ZFP2: variants seen among roughly 807,000 people sequenced by gnomAD.
ZFP2 encodes ZFP2 zinc finger protein.
ZFP2 carries 33 observed loss-of-function variants against 36.1 expected under a neutral mutation model. The observed-to-expected ratio is 0.92, with a 90% CI of 0.69 to 1.22. ZFP2 has a LOEUF of 1.22. ZFP2 is among the 50% of genes most tolerant of loss of function. The pLI is 0.00. For missense variants in ZFP2, 522 were observed against 551.4 expected (o/e 0.95, Z 0.53); for synonymous variants, 170 against 178.0 (o/e 0.96, Z 0.36).
At chr5:178,918,713 G>A (rs1420269042) in intron 4 of ZFP2, among the ~76,000 whole-genome samples, 2 of 152,238 alleles carry the variant, frequency 1.3e-5, no homozygotes, top group African/African-American at 4.8e-5. Flanking sequence ...AGGAAAAAAG[G>A]AAAGGCAGAG....
intron 4 of ZFP2, among the ~76,000 whole-genome samples, chr5:178,917,091 T>C (rs1450563575): frequency 2.0e-5 from 3 of 152,226 alleles, no homozygotes; most frequent in Admixed American, 2.0e-4. Flanking sequence ...TAGAAATTTT[T>C]AGTAATGTGG....
chr5:178,916,815 T>C (rs1047142376), intron 4 of ZFP2, 105 bp downstream of exon 4: 2 of 832,010 alleles, frequency 2.4e-6, no homozygotes, highest in African/African-American at 3.7e-5. Context: ...TTTTTTACTT[T>C]GAGTTTAATG....
At chr5:178,904,578 T>TGC (rs1446156509) in intron 1 of ZFP2, among the ~76,000 whole-genome samples, 2,071 of 150,996 alleles carry the variant, frequency 0.014, 52 homozygotes, top group African/African-American at 0.047. Context: ...TACATATATT[T>TGC]ATATATGAGT....
intron 1 of ZFP2, among the ~76,000 whole-genome samples, chr5:178,903,671 A>G (rs1433918452): frequency 6.6e-6 from 1 of 152,144 alleles, no homozygotes; most frequent in East Asian, 1.9e-4. Context: ...TGGCTTTGGG[A>G]TCATGCTATG....
chr5:178,932,214 A>T lies in ZFP2; in HGVS notation c.901A>T (p.Asn301Tyr). ...CACTGGAGAAAAACCTTACAAATGTAACAAATGCGGGAAATCCTTTAGCCA... is the reference window on the plus strand; with the variant it reads ...CACTGGAGAAAAACCTTACAAATGTTACAAATGCGGGAAATCCTTTAGCCA... ...NHTGEKPYKC[N>Y]KCGKSFSQST... Residue 301 changes from asparagine (N) to tyrosine (Y), a missense_variant, in exon 5 of 5, where the codon AAC becomes TAC. Coordinates refer to ENST00000361362, the MANE Select transcript of ZFP2 (RefSeq NM_030613.4). 6.2e-7 allele frequency: 1 copy of T among 1,614,204 alleles called. No individual in the cohort carries two copies. The highest frequency in any genetic ancestry group is 1.1e-5 in the South Asian group (1 of 91,086).
At chr5:178,896,140 G>C (rs908295874) in intron 1 of ZFP2, among the ~76,000 whole-genome samples, 166 bp downstream of exon 1, 10 of 152,300 alleles carry the variant, frequency 6.6e-5, no homozygotes, top group Admixed American at 2.0e-4. Context: ...GTGGAGCGCC[G>C]GGCCTCCGGC....
intron 4 of ZFP2, among the ~76,000 whole-genome samples, chr5:178,919,362 A>AT (rs1412647945): frequency 1.3e-5 from 2 of 152,238 alleles, no homozygotes; most frequent in Non-Finnish European, 2.9e-5. Flanking sequence ...GTTTAAAAAC[A>AT]TTAAGAGTTC....
chr5:178,904,993 G>A (rs913941166), intron 1 of ZFP2, among the ~76,000 whole-genome samples: 3 of 152,010 alleles, frequency 2.0e-5, no homozygotes, highest in Non-Finnish European at 4.4e-5. Context: ...GAGCCACTGC[G>A]CCCGGCCCAT....
chr5:178,907,282 C>A (rs1581830356), intron 1 of ZFP2, among the ~76,000 whole-genome samples: 1 of 151,842 alleles, frequency 6.6e-6, no homozygotes, highest in African/African-American at 2.4e-5. Context: ...CCAGTATAAG[C>A]AGGCAAAGAA....
intron 4 of ZFP2, among the ~76,000 whole-genome samples, chr5:178,925,498 T>C (rs550173234): frequency 2.0e-5 from 3 of 149,752 alleles, no homozygotes; most frequent in African/African-American, 7.3e-5. Flanking sequence ...TGAATCAGAT[T>C]GGATTTCCAC....
chr5:178,916,733 C>T lies in ZFP2; in HGVS notation c.-78+23C>T, dbSNP rs1378203282. ...TAGGTAAGTACTGGTACTCCTCTTA[C>T]GGTGGAAGACATTGGCTCTGAAAGG... On this transcript the variant is annotated intron_variant, in intron 4 of 4. Coordinates refer to ENST00000361362, the MANE Select transcript of ZFP2 (RefSeq NM_030613.4). 12 of 985,086 alleles carry T rather than the reference C, an allele frequency of 1.2e-5. No homozygotes were observed. In the East Asian group the frequency reaches 3.4e-4, roughly 28 times the overall value. 61.0% of individuals were successfully genotyped at this position (985,086 alleles called of 1,614,324 possible). A position where few individuals can be genotyped will look rare whatever the true frequency, so the allele number is the denominator to read the frequency against.
intron 2 of ZFP2, 46 bp from the exon 3 acceptor site, chr5:178,912,936 T>A: frequency 1.0e-6 from 1 of 974,324 alleles, no homozygotes. Flanking sequence ...GATTGGTTTT[T>A]AGGCTCAGTT....
chr5:178,922,624 G>A, intron 4 of ZFP2: 1 of 1,585,532 alleles, frequency 6.3e-7, no homozygotes, highest in African/African-American at 1.3e-5. Context: ...CCCATCTCCT[G>A]TACGCTTGGA....
At chr5:178,908,858 GA>G (rs142504589) in intron 1 of ZFP2, among the ~76,000 whole-genome samples, 3 of 151,924 alleles carry the variant, frequency 2.0e-5, no homozygotes, top group Non-Finnish European at 4.4e-5. Context: ...TGAGTGTTGG[GA>G]AAAAAAGCTG....
At chr5:178,929,949 G>GGGC (rs1554107545) in intron 4 of ZFP2, among the ~76,000 whole-genome samples, 3 of 150,038 alleles carry the variant, frequency 2.0e-5, no homozygotes, top group Non-Finnish European at 4.5e-5. Context: ...CGGTGGGGGG[G>GGGC]GGGGCTCAGG....
chr5:178,906,261 A>G (rs1428548999), intron 1 of ZFP2, among the ~76,000 whole-genome samples: 1 of 152,202 alleles, frequency 6.6e-6, no homozygotes, highest in Non-Finnish European at 1.5e-5. Flanking sequence ...TGCCTTCTGT[A>G]TTCAGCTAAC....
intron 3 of ZFP2, among the ~76,000 whole-genome samples, chr5:178,914,640 CA>C (rs1429605780): frequency 7.2e-6 from 1 of 139,404 alleles, no homozygotes; most frequent in African/African-American, 2.7e-5. Context: ...AATGGGGAGA[CA>C]ATAAAGGAAG....
intron 1 of ZFP2, among the ~76,000 whole-genome samples, chr5:178,904,363 G>A (rs528694515): frequency 2.0e-5 from 3 of 152,230 alleles, no homozygotes; most frequent in South Asian, 2.1e-4. Context: ...TGATGAGGAC[G>A]CAGCAGGGGA....
intron 4 of ZFP2, among the ~76,000 whole-genome samples, chr5:178,921,472 C>T (rs567378128): frequency 7.1e-6 from 1 of 141,014 alleles, no homozygotes; most frequent in South Asian, 2.2e-4. Flanking sequence ...GAAGGACCCT[C>T]TCCTCATGTT....
Sources: allele counts gnomAD v4.1 joint callset (sites outside exome capture counted in the v4.1 genomes callset), GRCh38; gene constraint gnomAD v4.1.1; transcripts MANE v1.5; gene names NCBI Gene and HGNC (gene_info 2026-07-23, HGNC 2026-07-21).